GPR151: variants seen among roughly 807,000 people sequenced by gnomAD.
GPR151 encodes the protein G protein-coupled receptor 151.
A neutral mutation model predicts 18.2 loss-of-function variants in GPR151; 16 were observed. That is an observed-to-expected ratio of 0.88 (90% confidence interval 0.60 to 1.34). The LOEUF (loss-of-function observed/expected upper bound fraction) is 1.34, where lower values mean the gene tolerates loss of function less well. Ranked by LOEUF, GPR151 falls within the 40% of genes most tolerant of loss-of-function variation. GPR151 has a pLI of 0.00. For synonymous variants in GPR151, 202 were observed against 191.2 expected (o/e 1.06, Z -0.47); for missense variants, 509 against 504.3 (o/e 1.01, Z -0.09).
At position 146,515,165 on chromosome 5, in the gene GPR151, A is replaced by G; in HGVS notation, c.949T>C (p.Leu317=). The change falls in exon 1 of 1, where the codon TTG becomes CTG. Residue 317 remains leucine, a synonymous_variant. Coordinates refer to ENST00000311104, the MANE Select transcript of GPR151 (RefSeq NM_194251.3). ...ATCATCCATTTCCATACACCTTTCA[A>G]GCCTTCCCTGAACTCTTCCGACATC... The part of the protein sequence containing the change: ...LVMSEEFREG[L]KGVWKWMITK... The G allele has an allele frequency of 6.2e-7, 1 of 1,614,110 alleles. No homozygotes were observed. Among genetic ancestry groups the G allele is most frequent in the Admixed American group, 1.7e-5 (1 of 60,014 alleles).
In GPR151 at chr5:146,514,958, C is replaced by T. The variant is rs745805652; in HGVS notation, c.1156G>A (p.Val386Ile). The stretch of plus-strand genomic sequence containing the variant: ...TCCCTCTCATGCCAAAACTGCTCTA[C>T]GTCAGGAAGGATGGGAATCTCTGCC... ...EKAEIPILPD[V>I]EQFWHERDTV... Residue 386 changes from valine to isoleucine, a missense_variant, in exon 1 of 1, where the codon GTA (valine) becomes ATA (isoleucine). By Grantham distance (29) the Val-to-Ile change is conservative. Coordinates refer to ENST00000311104, the MANE Select transcript of GPR151 (RefSeq NM_194251.3). 15 of 1,613,986 alleles carry T rather than the reference C, an allele frequency of 9.3e-6. No homozygotes were observed. The highest frequency in any genetic ancestry group is 3.3e-4 in the Middle Eastern group (2 of 6,084).
chr5:146,515,941 A>G lies in GPR151; in HGVS notation c.173T>C (p.Ile58Thr), dbSNP rs371974019. 17 of 1,614,146 alleles carry G rather than the reference A, an allele frequency of 1.1e-5. No individual in the cohort carries two copies. The African/African-American group carries it at 1.5e-4, about 14-fold the overall frequency. ...LVGFVGNLCVIGILLHNAWKG... is the reference protein window; with the variant it reads ...LVGFVGNLCVTGILLHNAWKG... ...CCAAGCATTGTGAAGGAGGATGCCAATCACACACAGGTTTCCCACGAAGCC... is the reference window on the plus strand; with the variant it reads ...CCAAGCATTGTGAAGGAGGATGCCAGTCACACACAGGTTTCCCACGAAGCC... Residue 58 changes from isoleucine to threonine, a missense_variant, in exon 1 of 1, where the codon ATT (isoleucine) becomes ACT (threonine). Physicochemically the swap from Ile to Thr is moderately conservative, Grantham distance 89 (BLOSUM62 -1). Coordinates refer to ENST00000311104, the MANE Select transcript of GPR151 (RefSeq NM_194251.3).
rs1341693678 is a variant in GPR151, at chr5:146,514,141, GA to G, written c.*712del. Reference sequence around the variant, plus strand: ...AAAGCTGCTACAATTCTTAGACTTAGAAACTGAAGACTCATTCAGGTAGCTT... The same window carrying G: ...AAAGCTGCTACAATTCTTAGACTTAGAACTGAAGACTCATTCAGGTAGCTT... On this transcript the variant is annotated 3_prime_UTR_variant, in exon 1 of 1. Transcript: ENST00000311104. The G allele has an allele frequency of 2.0e-5, 3 of 152,158 alleles. No homozygotes were observed. The highest frequency in any genetic ancestry group is 7.2e-5 in the African/African-American group (3 of 41,430). 9.4% of individuals were successfully genotyped at this position (152,158 alleles called of 1,614,324 possible).
Position 146,514,192 on chromosome 5 carries a change from T to G in GPR151, c.*662A>C, listed in dbSNP as rs1768563044. 1 of 152,232 alleles carries G rather than the reference T, an allele frequency of 6.6e-6. No individual in the cohort carries two copies. Among genetic ancestry groups the G allele is most frequent in the Non-Finnish European group, 1.5e-5 (1 of 68,042 alleles). The allele number at this position is 152,232 out of a possible 1,614,324, so 9.4% of individuals were successfully genotyped here. ...TTAAAAAGTTCACTGAAGCAGGCTT[T>G]AGTTTAAGTTTGAATTTATTTAAAC... On this transcript the variant is annotated 3_prime_UTR_variant, in exon 1 of 1. Transcript: ENST00000311104.
Position 146,515,188 on chromosome 5 carries a change from A to AT in GPR151, c.925dup (p.Met309AsnfsTer40). On this transcript the variant is annotated frameshift_variant, in exon 1 of 1. Coordinates refer to ENST00000311104, the MANE Select transcript of GPR151 (RefSeq NM_194251.3). LOFTEE classifies it low-confidence loss of function (END_TRUNC). Reference sequence around the variant, plus strand: ...CAAGCCTTCCCTGAACTCTTCCGACATCACAAGAAAAATGAGAGGATTTGC... The same window carrying AT: ...CAAGCCTTCCCTGAACTCTTCCGACATTCACAAGAAAAATGAGAGGATTTGC... 7 of 1,614,180 alleles carry AT rather than the reference A, an allele frequency of 4.3e-6. No individual in the cohort carries two copies. The highest frequency in any genetic ancestry group is 5.9e-6 in the Non-Finnish European group (7 of 1,180,024).
chr5:146,515,846 ACAG>A lies in GPR151; in HGVS notation c.265_267del (p.Leu89del). 1.9e-6 allele frequency: 3 copies of A among 1,614,196 alleles called. No homozygotes were observed. The highest frequency in any genetic ancestry group is 1.1e-5 in the South Asian group (1 of 91,086). On this transcript the variant is annotated inframe_deletion, in exon 1 of 1. Coordinates refer to ENST00000311104, the MANE Select transcript of GPR151 (RefSeq NM_194251.3). ...GCCGTAGCTCGGATAGGTGCAGAAAACAGCAGGAGGGAGAGATCAGCCAGGCTG... is the reference window on the plus strand; with the variant it reads ...GCCGTAGCTCGGATAGGTGCAGAAAACAGGAGGGAGAGATCAGCCAGGCTG...
In GPR151 at chr5:146,515,506, C is replaced by A. The variant is rs1401631611; in HGVS notation, c.608G>T (p.Gly203Val). 1 of 1,614,140 alleles carries A rather than the reference C, an allele frequency of 6.2e-7. No homozygotes were observed. Among genetic ancestry groups the A allele is most frequent in the Non-Finnish European group, 8.5e-7 (1 of 1,180,022 alleles). Residue 203 changes from glycine to valine, a missense_variant, in exon 1 of 1, where the codon GGT becomes GTT. Transcript: ENST00000311104. Reference protein sequence around the residue: ...AVAEEFMSMFGKLYPLLAFGL... With the variant: ...AVAEEFMSMFVKLYPLLAFGL... ...AAATGCCAGGAGTGGGTAGAGCTTA[C>A]CAAACATCGACATAAACTCTTCAGC...
rs1768565311 is a variant in GPR151 at position 146,514,413 on chromosome 5, C to G, written c.*441G>C. On this transcript the variant is annotated 3_prime_UTR_variant, in exon 1 of 1. Transcript: ENST00000311104. ...ATCTCAAGTGAAAGTAGATTTTGAG[C>G]TTTGGTTATGTGAAATACAATTTAG... is the stretch of plus-strand genomic sequence containing the variant. 1 of 155,626 alleles carries G rather than the reference C, an allele frequency of 6.4e-6. No individual in the cohort carries two copies. Among genetic ancestry groups the G allele is most frequent in the Non-Finnish European group, 1.4e-5 (1 of 70,554 alleles). 9.6% of individuals were successfully genotyped at this position (155,626 alleles called of 1,614,324 possible). A position where few individuals can be genotyped will look rare whatever the true frequency, so the allele number is the denominator to read the frequency against.
In GPR151 at chr5:146,516,067, ACATT is replaced by A; in HGVS notation, c.43_46del (p.Asn15CysfsTer42). On this transcript the variant is annotated frameshift_variant, in exon 1 of 1. Transcript: ENST00000311104. LOFTEE classifies it high-confidence loss of function. ...GGCAAAGTGGAGGTGAGCAAAGGAC[ACATT>A]CATGCTGCTGGAGTTAGAGTCTGCA... is the stretch of plus-strand genomic sequence containing the variant. 1 of 1,613,950 alleles carries A rather than the reference ACATT, an allele frequency of 6.2e-7. No homozygotes were observed. Among genetic ancestry groups the A allele is most frequent in the Non-Finnish European group, 8.5e-7 (1 of 1,179,976 alleles).
Position 146,515,933 on chromosome 5 carries a change from G to A in GPR151, c.181C>T (p.Leu61Phe), listed in dbSNP as rs777145024. 2.7e-5 allele frequency: 43 copies of A among 1,614,036 alleles called. No individual in the cohort carries two copies. The highest frequency in any genetic ancestry group is 3.6e-5 in the Non-Finnish European group (42 of 1,180,038). ...FVGNLCVIGI[L>F]LHNAWKGKPS... ...TTTCCTTTCCAAGCATTGTGAAGGA[G>A]GATGCCAATCACACACAGGTTTCCC... Residue 61 changes from leucine to phenylalanine, a missense_variant, in exon 1 of 1, where the codon CTC (leucine) becomes TTC (phenylalanine). Transcript: ENST00000311104.
Position 146,515,845 on chromosome 5 carries a change from A to T in GPR151, c.269T>A (p.Phe90Tyr), listed in dbSNP as rs754305294. 2 of 1,614,098 alleles carry T rather than the reference A, an allele frequency of 1.2e-6. No homozygotes were observed. The highest frequency in any genetic ancestry group is 2.7e-5 in the African/African-American group (2 of 74,930). ...CGCCGTAGCTCGGATAGGTGCAGAA[A>T]ACAGCAGGAGGGAGAGATCAGCCAG... ...LSLADLSLLL[F>Y]SAPIRATAYS... is the part of the protein sequence containing the mutation. The change falls in exon 1 of 1, where the codon TTT becomes TAT. Residue 90 changes from phenylalanine to tyrosine, a missense_variant. Phe to Tyr is a conservative substitution (Grantham distance 22, BLOSUM62 3). Transcript: ENST00000311104.
In GPR151 at chr5:146,514,773, GT is replaced by G. The variant is rs1199951631; in HGVS notation, c.*80del. 4.5e-5 allele frequency: 40 copies of G among 895,774 alleles called. No individual in the cohort carries two copies. Among genetic ancestry groups the G allele is most frequent in the Non-Finnish European group, 6.7e-5 (40 of 596,076 alleles). 55.5% of individuals were successfully genotyped at this position (895,774 alleles called of 1,614,324 possible). A position where few individuals can be genotyped will look rare whatever the true frequency, so the allele number is the denominator to read the frequency against. On this transcript the variant is annotated 3_prime_UTR_variant, in exon 1 of 1. Transcript: ENST00000311104. ...ATTCCTAATGGTAATAATTATATCAGTTTGTAAAGTCAGCAATATTGATAAG... is the reference window on the plus strand; with the variant it reads ...ATTCCTAATGGTAATAATTATATCAGTTGTAAAGTCAGCAATATTGATAAG...
rs142971995 is a variant in GPR151 at position 146,514,930 on chromosome 5, G to C, written c.1184C>G (p.Thr395Arg). ...GTCATTGTCCTGTACAGAAGGGACTGTGTCCCTCTCATGCCAAAACTGCTC... is the reference window on the plus strand; with the variant it reads ...GTCATTGTCCTGTACAGAAGGGACTCTGTCCCTCTCATGCCAAAACTGCTC... ...DVEQFWHERDTVPSVQDNDPI... is the reference protein window; with the variant it reads ...DVEQFWHERDRVPSVQDNDPI... The change falls in exon 1 of 1, where the codon ACA (threonine) becomes AGA (arginine). Residue 395 changes from threonine (T) to arginine (R), a missense_variant. Coordinates refer to ENST00000311104, the MANE Select transcript of GPR151 (RefSeq NM_194251.3). The C allele has an allele frequency of 4.0e-4, 638 of 1,610,336 alleles. No individual in the cohort carries two copies. The highest frequency in any genetic ancestry group is 5.1e-4 in the Non-Finnish European group (604 of 1,176,618).
At position 146,513,573 on chromosome 5, in the gene GPR151, G is replaced by GTA. The variant is rs1181196984; in HGVS notation, c.*1280_*1281insTA. 1.2e-3 allele frequency: 183 copies of GTA among 152,210 alleles called. 1 individual carries two copies. Among genetic ancestry groups the GTA allele is most frequent in the African/African-American group, 4.1e-3 (171 of 41,532 alleles). The allele number at this position is 152,210 out of a possible 1,614,324, so 9.4% of individuals were successfully genotyped here. A position where few individuals can be genotyped will look rare whatever the true frequency, so the allele number is the denominator to read the frequency against. On this transcript the variant is annotated 3_prime_UTR_variant, in exon 1 of 1. Coordinates refer to ENST00000311104, the MANE Select transcript of GPR151 (RefSeq NM_194251.3). ...ATAACAAAGTAATCAAGAATCATGGGTGAATGTCATTATACTTAAAAGGGG... is the reference window on the plus strand; with the variant it reads ...ATAACAAAGTAATCAAGAATCATGGGTATGAATGTCATTATACTTAAAAGGGG...
Position 146,515,443 on chromosome 5 carries a change from C to T in GPR151, c.671G>A (p.Arg224Lys), listed in dbSNP as rs1379411690. The T allele has an allele frequency of 6.2e-7, 1 of 1,614,128 alleles. No individual in the cohort carries two copies. Among genetic ancestry groups the T allele is most frequent in the Non-Finnish European group, 8.5e-7 (1 of 1,180,016 alleles). Residue 224 changes from arginine (R) to lysine (K), a missense_variant, in exon 1 of 1, where the codon AGA (arginine) becomes AAA (lysine). By Grantham distance (26) the Arg-to-Lys change is conservative. Coordinates refer to ENST00000311104, the MANE Select transcript of GPR151 (RefSeq NM_194251.3). ...PLFFASFYFW[R>K]AYDQCKKRGT... ...TCGTTTTTTACATTGGTCATAAGCT[C>T]TCCAGAAATAAAAGCTGGCAAAAAA...
chr5:146,515,667 G>T lies in GPR151; in HGVS notation c.447C>A (p.Ile149=), dbSNP rs1234836826. 6.2e-7 allele frequency: 1 copy of T among 1,614,030 alleles called. No individual in the cohort carries two copies. The highest frequency in any genetic ancestry group is 1.3e-5 in the African/African-American group (1 of 74,914). ...YASDPAKQVS[I]HNYTIWSVLV... is the part of the protein sequence containing the mutation. ...GCACTGACCAGATGGTGTAGTTGTG[G>T]ATACTCACTTGCTTGGCTGGGTCAC... The change falls in exon 1 of 1, where the codon ATC becomes ATA. Residue 149 remains isoleucine (I), a synonymous_variant. Coordinates refer to ENST00000311104, the MANE Select transcript of GPR151 (RefSeq NM_194251.3).
rs1282864335 is a variant in GPR151, at chr5:146,515,503, T to C, written c.611A>G (p.Lys204Arg). The change falls in exon 1 of 1, where the codon AAG becomes AGG. Residue 204 changes from lysine (K) to arginine (R), a missense_variant. Coordinates refer to ENST00000311104, the MANE Select transcript of GPR151 (RefSeq NM_194251.3). ...VAEEFMSMFG[K>R]LYPLLAFGLP... is the part of the protein sequence containing the mutation. ...GCCAAATGCCAGGAGTGGGTAGAGC[T>C]TACCAAACATCGACATAAACTCTTC... is the stretch of plus-strand genomic sequence containing the variant. 4 of 1,614,134 alleles carry C rather than the reference T, an allele frequency of 2.5e-6. No homozygotes were observed. The highest frequency in any genetic ancestry group is 3.4e-6 in the Non-Finnish European group (4 of 1,180,020).
In GPR151 at chr5:146,514,874, T is replaced by C; in HGVS notation, c.1240A>G (p.Thr414Ala). ...PIPWEHEDQE[T>A]GEGVK is the part of the protein sequence containing the mutation. ...TAAATCTATTTAACACCTTCCCCTGTCTCTTGATCTTCATGTTCCCAGGGG... is the reference window on the plus strand; with the variant it reads ...TAAATCTATTTAACACCTTCCCCTGCCTCTTGATCTTCATGTTCCCAGGGG... Residue 414 changes from threonine to alanine, a missense_variant, in exon 1 of 1, where the codon ACA becomes GCA. By Grantham distance (58) the Thr-to-Ala change is moderately conservative. Transcript: ENST00000311104. The C allele has an allele frequency of 6.3e-7, 1 of 1,588,852 alleles. No homozygotes were observed. The highest frequency in any genetic ancestry group is 8.6e-7 in the Non-Finnish European group (1 of 1,167,524).
Position 146,515,683 on chromosome 5 carries a change from G to A in GPR151, c.431C>T (p.Ala144Val), listed in dbSNP as rs7713676. The change falls in exon 1 of 1, where the codon GCC becomes GTC. Residue 144 changes from alanine (A) to valine (V), a missense_variant. Transcript: ENST00000311104. ...GTAGTTGTGGATACTCACTTGCTTG[G>A]CTGGGTCACTTGCATACATGAAGCA... Reference protein sequence around the residue: ...KVCFMYASDPAKQVSIHNYTI... With the variant: ...KVCFMYASDPVKQVSIHNYTI... 0.014 allele frequency: 22,849 copies of A among 1,614,066 alleles called. 1,330 individuals are homozygous for A. The African/African-American group carries it at 0.15, about 11-fold the overall frequency.
Sources: gnomAD v4.1 joint callset for allele counts on GRCh38, gnomAD v4.1.1 for gene constraint, MANE v1.5 for transcripts, NCBI Gene and HGNC (gene_info 2026-07-23, HGNC 2026-07-21) for gene names.